Variants in GPR176 observed in about 807,000 individuals in gnomAD.
The protein encoded by GPR176 is G-protein coupled receptor 176.
GPR176 carries 26 observed loss-of-function variants against 35.4 expected under a neutral mutation model. That is an observed-to-expected ratio of 0.74 (90% CI 0.54 to 1.02). GPR176 has a LOEUF of 1.02. Ranked by LOEUF, GPR176 falls within the 50% of genes least tolerant of loss-of-function variation. The pLI is 0.00. For synonymous variants in GPR176, 278 were observed against 271.3 expected, an observed-to-expected ratio of 1.02 and a Z score of -0.24; for missense variants, 597 against 665.3, an observed-to-expected ratio of 0.90 and a Z score of 1.13.
chr15:39,898,414 C>G (rs534903128), intron 1 of GPR176, among the ~76,000 whole-genome samples: 1 of 152,110 alleles, frequency 6.6e-6, no homozygotes, highest in Non-Finnish European at 1.5e-5. Flanking sequence ...TTCAATTATT[C>G]TTGAATTATA....
chr15:39,853,762 C>T (rs1223073576), intron 1 of GPR176, among the ~76,000 whole-genome samples: 1 of 152,112 alleles, frequency 6.6e-6, no homozygotes, highest in Non-Finnish European at 1.5e-5. Context: ...CTATTATAAA[C>T]ATCCTCACAA....
chr15:39,864,451 T>A (rs1384783512), intron 1 of GPR176, among the ~76,000 whole-genome samples: 1 of 143,050 alleles, frequency 7.0e-6, no homozygotes, highest in Non-Finnish European at 1.6e-5. Context: ...TGCAGAAGAA[T>A]GAAACTGGAC....
chr15:39,809,441 T>A (rs2140788554), intron 1 of GPR176, among the ~76,000 whole-genome samples: 1 of 152,320 alleles, frequency 6.6e-6, no homozygotes, highest in Non-Finnish European at 1.5e-5. Flanking sequence ...CAAAGCAAGA[T>A]AACTATATGA....
intron 2 of GPR176, among the ~76,000 whole-genome samples, chr15:39,805,654 G>A (rs554463053): frequency 2.0e-5 from 3 of 152,258 alleles, no homozygotes; most frequent in Admixed American, 2.0e-4. Context: ...TGGATGGTGA[G>A]ATTCCAGTCC....
At chr15:39,908,092 T>C (rs2033473672) in intron 1 of GPR176, among the ~76,000 whole-genome samples, 1 of 152,202 alleles carries the variant, frequency 6.6e-6, no homozygotes. Context: ...TATTTCCTGG[T>C]CCAGTAAAAT....
intron 1 of GPR176, among the ~76,000 whole-genome samples, chr15:39,905,943 CTGTT>C (rs1044837927): frequency 2.5e-4 from 38 of 152,324 alleles, no homozygotes; most frequent in Admixed American, 6.5e-4. Context: ...CACACAAGCA[CTGTT>C]TGTTGCAAGA....
intron 1 of GPR176, among the ~76,000 whole-genome samples, chr15:39,809,226 A>G (rs1383290093): frequency 6.6e-6 from 1 of 152,200 alleles, no homozygotes; most frequent in East Asian, 1.9e-4. Flanking sequence ...GAGGCTAAAT[A>G]GTCCTATGTT....
Position 39,802,239 on chromosome 15 carries a change from G to A in GPR176, c.441C>T (p.Leu147=). 6.2e-7 allele frequency: 1 copy of A among 1,609,620 alleles called. No individual in the cohort carries two copies. Among genetic ancestry groups the A allele is most frequent in the Non-Finnish European group, 8.5e-7 (1 of 1,177,300 alleles). The change falls in exon 3 of 3, where the codon CTC becomes CTT. Residue 147 remains leucine, a synonymous_variant. Coordinates refer to ENST00000561100, the MANE Select transcript of GPR176 (RefSeq NM_007223.3). ...AIALDRYYSV[L]YPLERKISDA... ...CAGATATTTTCCTCTCCAGTGGATA[G>A]AGGACTGAGTAGTACCTGCAAGATA...
intron 1 of GPR176, among the ~76,000 whole-genome samples, chr15:39,907,185 T>C (rs7172840): frequency 0.011 from 1,674 of 152,314 alleles, 28 homozygotes; most frequent in African/African-American, 0.039. Context: ...AGTATTAAGC[T>C]TGATGAGTTA....
intron 1 of GPR176, among the ~76,000 whole-genome samples, chr15:39,888,863 G>A (rs980000047): frequency 1.3e-5 from 2 of 152,102 alleles, no homozygotes; most frequent in African/African-American, 4.8e-5. Flanking sequence ...GTAATTGTTT[G>A]CGATAAACAG....
chr15:39,831,989 T>C (rs1901109792), intron 1 of GPR176, among the ~76,000 whole-genome samples: 1 of 129,672 alleles, frequency 7.7e-6, no homozygotes. Flanking sequence ...CACACACATG[T>C]GCATGCACAC....
chr15:39,919,968 C>G lies in GPR176; in HGVS notation c.59G>C (p.Gly20Ala). ...PNASEPHNASGAEAAGVNRSA... is the reference protein window; with the variant it reads ...PNASEPHNASAAEAAGVNRSA... ...GCGGTTCACACCCGCAGCCTCGGCG[C>G]CGGACGCGTTGTGCGGCTCGCTGGC... The change falls in exon 1 of 3, where the codon GGC becomes GCC. Residue 20 changes from glycine (G) to alanine (A), a missense_variant. By Grantham distance (60) the Gly-to-Ala change is moderately conservative. Around this residue, in one of 3 missense-constraint regions of GPR176, gnomAD observed 126 missense variants for 112.4 expected, o/e 1.12. Transcript: ENST00000561100. 1 of 1,481,348 alleles carries G rather than the reference C, an allele frequency of 6.8e-7. No homozygotes were observed. The highest frequency in any genetic ancestry group is 2.9e-5 in the East Asian group (1 of 34,968). The allele number at this position is 1,481,348 out of a possible 1,614,324, so 91.8% of individuals were successfully genotyped here.
At chr15:39,878,470 ATT>A (rs35564354) in intron 1 of GPR176, among the ~76,000 whole-genome samples, 1 of 55,064 alleles carries the variant, frequency 1.8e-5, no homozygotes, top group Non-Finnish European at 3.9e-5. Flanking sequence ...ACCAAATAAT[ATT>A]TGTGTGTGTG....
intron 1 of GPR176, among the ~76,000 whole-genome samples, chr15:39,812,430 T>C (rs921623861): frequency 3.3e-5 from 5 of 152,218 alleles, no homozygotes; most frequent in African/African-American, 1.2e-4. Context: ...TTCCTGCCCT[T>C]AAATATCAGA....
At chr15:39,840,276 T>G (rs374269694) in intron 1 of GPR176, among the ~76,000 whole-genome samples, 1 of 152,184 alleles carries the variant, frequency 6.6e-6, no homozygotes, top group East Asian at 1.9e-4. Flanking sequence ...ATGTGATACA[T>G]ATACACCATG....
chr15:39,837,882 G>T (rs1901499339), intron 1 of GPR176, among the ~76,000 whole-genome samples: 1 of 151,682 alleles, frequency 6.6e-6, no homozygotes, highest in African/African-American at 2.4e-5. Flanking sequence ...GGCCAATCAT[G>T]GTGGCTCATG....
At chr15:39,897,626 A>G (rs1480501510) in intron 1 of GPR176, among the ~76,000 whole-genome samples, 2 of 5,858 alleles carry the variant, frequency 3.4e-4, no homozygotes, top group Non-Finnish European at 1.6e-3. Flanking sequence ...TTTTTTTTTG[A>G]GACGGAGTCT....
intron 1 of GPR176, among the ~76,000 whole-genome samples, chr15:39,816,315 C>T (rs980573350): frequency 1.3e-5 from 2 of 152,072 alleles, no homozygotes; most frequent in African/African-American, 4.8e-5. Context: ...AGATAATGCA[C>T]ATGTCAATTA....
intron 1 of GPR176, among the ~76,000 whole-genome samples, chr15:39,816,796 T>A (rs986788003): frequency 9.2e-5 from 14 of 152,198 alleles, no homozygotes; most frequent in African/African-American, 3.4e-4. Flanking sequence ...GGCTCACACC[T>A]GTAATCCCAG....
Sources: gnomAD v4.1 joint callset for allele counts (sites outside exome capture counted in the v4.1 genomes callset) on GRCh38, gnomAD v4.1.1 for gene constraint, gnomAD v4.1.1 regional missense constraint, MANE v1.5 for transcripts, NCBI Gene and HGNC (gene_info 2026-07-23, HGNC 2026-07-21) for gene names.